Variants in TMPRSS15 observed in about 807,000 individuals in gnomAD.
TMPRSS15 encodes the protein enteropeptidase.
Under a neutral mutation model 125.3 loss-of-function variants are expected in TMPRSS15, and 128 were observed. The ratio of observed to expected loss-of-function variants is 1.02; its 90% confidence interval spans 0.89 to 1.18. The LOEUF (loss-of-function observed/expected upper bound fraction) is 1.18, where lower values mean the gene tolerates loss of function less well. TMPRSS15 is among the 50% of genes most tolerant of loss of function. TMPRSS15 has a pLI of 0.00. For synonymous variants in TMPRSS15, 446 were observed against 423.2 expected (o/e 1.05, Z -0.66); for missense variants, 1,283 against 1,212.7 (o/e 1.06, Z -0.86).
At chr21:18,323,932 T>G (rs948760827) in intron 16 of TMPRSS15, among the ~76,000 whole-genome samples, 1 of 152,220 alleles carries the variant, frequency 6.6e-6, no homozygotes, top group Non-Finnish European at 1.5e-5. Flanking sequence ...ACTTCATTGT[T>G]TTAATGTTCA....
At chr21:18,339,826 G>GTGAT (rs1385357976) in intron 13 of TMPRSS15, among the ~76,000 whole-genome samples, 1 of 152,136 alleles carries the variant, frequency 6.6e-6, no homozygotes, top group Non-Finnish European at 1.5e-5. Flanking sequence ...GTAGTATGAA[G>GTGAT]TGATTGTCTT....
intron 1 of TMPRSS15, 21 bp downstream of exon 1, chr21:18,403,457 A>G: frequency 6.2e-7 from 1 of 1,614,146 alleles, no homozygotes. Flanking sequence ...CACCTTCACG[A>G]GCCAACTCCA....
At chr21:18,437,348 G>T (rs2076230170) in intron 1 of TMPRSS15, among the ~76,000 whole-genome samples, 1 of 152,026 alleles carries the variant, frequency 6.6e-6, no homozygotes, top group Non-Finnish European at 1.5e-5. Flanking sequence ...AGACTTAAAC[G>T]TTAGACCTAA....
intron 1 of TMPRSS15, among the ~76,000 whole-genome samples, chr21:18,446,968 A>G (rs1211548956): frequency 1.3e-5 from 2 of 152,236 alleles, no homozygotes; most frequent in Non-Finnish European, 2.9e-5. Context: ...TCTGGACAGT[A>G]AAGGAAATAA....
At position 18,398,291 on chromosome 21, in the gene TMPRSS15, A is replaced by C; in HGVS notation, c.184T>G (p.Phe62Val). 1 of 1,613,890 alleles carries C rather than the reference A, an allele frequency of 6.2e-7. No individual in the cohort carries two copies. ...LGQSHEARAT[F>V]KITSGVTYNP... ...TATGTAACTCCGGATGTTATTTTAA[A>C]TGTCGCTCTGGCTTCATGACTCTGT... Residue 62 changes from phenylalanine (F) to valine (V), a missense_variant, in exon 2 of 25, where the codon TTT (phenylalanine) becomes GTT (valine). By Grantham distance (50) the Phe-to-Val change is conservative. Coordinates refer to ENST00000284885, the MANE Select transcript of TMPRSS15 (RefSeq NM_002772.3).
chr21:18,429,025 ATGGGAACCCACCT>A (rs1219990619), intron 1 of TMPRSS15, among the ~76,000 whole-genome samples: 1 of 152,202 alleles, frequency 6.6e-6, no homozygotes, highest in African/African-American at 2.4e-5. Flanking sequence ...GCCCAAGACC[ATGGGAACCCACCT>A]CTTGCATCAG....
chr21:18,362,514 A>C (rs572658640), intron 7 of TMPRSS15, among the ~76,000 whole-genome samples: 2 of 152,332 alleles, frequency 1.3e-5, no homozygotes, highest in East Asian at 3.9e-4. Flanking sequence ...CTTCTGATTC[A>C]GAAAATTCAA....
At chr21:18,317,353 A>G (rs1204521720) in intron 16 of TMPRSS15, among the ~76,000 whole-genome samples, 1 of 150,412 alleles carries the variant, frequency 6.6e-6, no homozygotes, top group Non-Finnish European at 1.5e-5. Context: ...AACTATCAAT[A>G]TCCATCATCT....
At chr21:18,284,820 G>A (rs921232707) in intron 21 of TMPRSS15, among the ~76,000 whole-genome samples, 12 of 152,072 alleles carry the variant, frequency 7.9e-5, no homozygotes, top group African/African-American at 2.9e-4. Context: ...GGCCAACATG[G>A]TGAAACCCCG....
intron 6 of TMPRSS15, among the ~76,000 whole-genome samples, chr21:18,367,920 T>A (rs2075754101): frequency 6.6e-6 from 1 of 152,042 alleles, no homozygotes; most frequent in Non-Finnish European, 1.5e-5. Context: ...TATATATACA[T>A]CTATCACTAT....
upstream of TMPRSS15, among the ~76,000 whole-genome samples, chr21:18,408,000 G>A (rs1475347166): frequency 2.0e-5 from 3 of 152,154 alleles, no homozygotes; most frequent in East Asian, 3.9e-4. Context: ...AGAGACTTGA[G>A]GATAGTTGGG....
At chr21:18,359,346 G>A (rs1013625836) in intron 8 of TMPRSS15, among the ~76,000 whole-genome samples, 9 of 152,108 alleles carry the variant, frequency 5.9e-5, no homozygotes, top group African/African-American at 1.9e-4. Context: ...GCAGGAGACC[G>A]AGGAGCAGGA....
intron 8 of TMPRSS15, among the ~76,000 whole-genome samples, chr21:18,358,089 C>T (rs984005072): frequency 6.6e-6 from 1 of 151,646 alleles, no homozygotes; most frequent in Non-Finnish European, 1.5e-5. Flanking sequence ...CAATTAATTG[C>T]ATATTAGTCA....
intron 18 of TMPRSS15, among the ~76,000 whole-genome samples, chr21:18,303,835 C>CA (rs1312195764): frequency 6.6e-6 from 1 of 151,938 alleles, no homozygotes; most frequent in Admixed American, 6.6e-5. Flanking sequence ...TCTTTGGTGA[C>CA]AAAATACATA....
At chr21:18,364,262 C>A (rs2147030394) in intron 7 of TMPRSS15, among the ~76,000 whole-genome samples, 1 of 152,174 alleles carries the variant, frequency 6.6e-6, no homozygotes, top group Middle Eastern at 3.4e-3. Context: ...ATAATCCCAT[C>A]TAGCTATTAA....
At chr21:18,302,133 T>C (rs1214854417) in intron 18 of TMPRSS15, among the ~76,000 whole-genome samples, 1 of 152,154 alleles carries the variant, frequency 6.6e-6, no homozygotes, top group Admixed American at 6.6e-5. Context: ...ACACTAAAGC[T>C]AAAAAGAATA....
chr21:18,270,249 C>T lies in TMPRSS15; in HGVS notation c.2905-125G>A, dbSNP rs2074539234. 6 of 812,912 alleles carry T rather than the reference C, an allele frequency of 7.4e-6. No individual in the cohort carries two copies. In the Admixed American group the frequency reaches 1.1e-4, roughly 15 times the overall value. The allele number at this position is 812,912 out of a possible 1,614,324, so 50.4% of individuals were successfully genotyped here. ...TAAAAAATATGATTTAATTGCAAGT[C>T]ATCTGTATATATTCTCACTTTCACT... On this transcript the variant is annotated intron_variant, in intron 24 of 24. Coordinates refer to ENST00000284885, the MANE Select transcript of TMPRSS15 (RefSeq NM_002772.3).
At chr21:18,468,710 C>T (rs1319631942) in intron 1 of TMPRSS15, among the ~76,000 whole-genome samples, 1 of 152,138 alleles carries the variant, frequency 6.6e-6, no homozygotes, top group Non-Finnish European at 1.5e-5. Flanking sequence ...GTTTTCTTTA[C>T]CCACACCCAA....
chr21:18,434,162 C>T (rs761123939), intron 1 of TMPRSS15, among the ~76,000 whole-genome samples: 6 of 152,176 alleles, frequency 3.9e-5, no homozygotes, highest in Middle Eastern at 6.8e-3. Context: ...TATACGTGTT[C>T]GTACATCCAG....
Sources: allele counts gnomAD v4.1 joint callset (sites outside exome capture counted in the v4.1 genomes callset), GRCh38; gene constraint gnomAD v4.1.1; transcripts MANE v1.5; gene names NCBI Gene and HGNC (gene_info 2026-07-23, HGNC 2026-07-21).